Variants in ANPEP observed in about 807,000 individuals in gnomAD.
ANPEP encodes aminopeptidase N.
Under a neutral mutation model 114.6 loss-of-function variants are expected in ANPEP, and 70 were observed. The observed-to-expected ratio is 0.61, with a 90% CI of 0.50 to 0.75. The LOEUF (loss-of-function observed/expected upper bound fraction) is 0.75. ANPEP is among the 30% of genes least tolerant of loss of function. ANPEP has a pLI of 0.00. For synonymous variants in ANPEP, 548 were observed against 522.3 expected, an observed-to-expected ratio of 1.05 and a Z score of -0.67; for missense variants, 1,184 against 1,259.5, an observed-to-expected ratio of 0.94 and a Z score of 0.91.
intron 16 of ANPEP, 106 bp downstream of exon 16, chr15:89,792,929 C>A: frequency 3.9e-6 from 4 of 1,025,080 alleles, no homozygotes; most frequent in Middle Eastern, 2.7e-4. Flanking sequence ...TCTCTCCCTG[C>A]CTGGTGCCCC....
rs41276922 is a variant in ANPEP, at chr15:89,806,230, G to A, written c.354C>T (p.Asp118=). Residue 118 remains aspartate (D), a synonymous_variant, in exon 2 of 21, where the codon GAC becomes GAT. Transcript: ENST00000300060. The surrounding 1 kb of genome is among the most constrained non-coding windows in gnomAD (Gnocchi z 5.7). ...TVRFTCKEAT[D]VIIIHSKKLN... is the part of the protein sequence containing the mutation. ...GCTTCTTGCTGTGGATGATGATGAC[G>A]TCAGTGGCCTCCTTGCAGGTGAAAC... The A allele has an allele frequency of 0.075, 121,158 of 1,614,026 alleles. 5,011 individuals carry two copies. The highest frequency in any genetic ancestry group is 0.084 in the Non-Finnish European group (99,363 of 1,179,972).
chr15:89,798,122 G>A (rs1430003821), intron 14 of ANPEP, among the ~76,000 whole-genome samples: 1 of 152,202 alleles, frequency 6.6e-6, no homozygotes, highest in African/African-American at 2.4e-5. Flanking sequence ...GACTTTCTGG[G>A]CACTCTAGGC....
chr15:89,808,288 G>A (rs1894759444), intron 1 of ANPEP, among the ~76,000 whole-genome samples: 1 of 152,184 alleles, frequency 6.6e-6, no homozygotes, highest in Non-Finnish European at 1.5e-5. Flanking sequence ...CCGCAGCGAA[G>A]CCGCCCTGAC....
rs1555442940 is a variant in ANPEP, at chr15:89,813,993, G to GGGGGC, written c.-224+778_-224+779insGCCCC. Reference sequence around the variant, plus strand: ...GCCGTCCCTGCCCACCGCACTGCTGGGGGGGGGGGGTGCGTTCTGGAGTCA... The same window carrying GGGGGC: ...GCCGTCCCTGCCCACCGCACTGCTGGGGGGCGGGGGGGGGGTGCGTTCTGGAGTCA... On this transcript the variant is annotated intron_variant, in intron 1 of 20. Coordinates refer to ENST00000300060, the MANE Select transcript of ANPEP (RefSeq NM_001150.3). Among the ~76,000 whole-genome samples the GGGGGC allele has an allele frequency of 1.8e-4, 25 of 137,748 alleles. 3 individuals carry two copies. Among genetic ancestry groups the GGGGGC allele is most frequent in the South Asian group, 6.8e-4 (3 of 4,400 alleles). The allele number at this position is 137,748 out of a possible 152,430, so 90.4% of individuals were successfully genotyped here. A position where few individuals can be genotyped will look rare whatever the true frequency, so the allele number is the denominator to read the frequency against.
intron 10 of ANPEP, among the ~76,000 whole-genome samples, chr15:89,802,969 G>A (rs1457124044): frequency 1.3e-5 from 2 of 152,068 alleles, no homozygotes; most frequent in Non-Finnish European, 2.9e-5. Flanking sequence ...CTCACCACCA[G>A]GAAGGGGCTC....
chr15:89,804,981 CT>C (rs1894678477), intron 4 of ANPEP, 96 bp downstream of exon 4: 1 of 1,555,164 alleles, frequency 6.4e-7, no homozygotes, highest in Admixed American at 1.7e-5. Context: ...CAACCCTGGC[CT>C]AACAATTCAG....
intron 1 of ANPEP, among the ~76,000 whole-genome samples, chr15:89,813,995 G>GGGA (rs200311540): frequency 6.8e-6 from 1 of 146,116 alleles, no homozygotes; most frequent in African/African-American, 2.5e-5. Context: ...CACTGCTGGG[G>GGGA]GGGGGGGGTG....
intron 1 of ANPEP, among the ~76,000 whole-genome samples, chr15:89,814,353 C>G (rs992639731): frequency 6.6e-6 from 1 of 152,158 alleles, no homozygotes; most frequent in African/African-American, 2.4e-5. Context: ...ACAGGCGGGC[C>G]GGGTTCGCCC....
At chr15:89,793,552 A>G (rs1968672993) in intron 15 of ANPEP, among the ~76,000 whole-genome samples, 1 of 151,992 alleles carries the variant, frequency 6.6e-6, no homozygotes, top group African/African-American at 2.4e-5. Flanking sequence ...ACCACAAAAA[A>G]ATTAGCCGAG....
intron 14 of ANPEP, 109 bp from the exon 15 acceptor site, chr15:89,797,831 T>C (rs2141799741): frequency 2.1e-6 from 3 of 1,443,510 alleles, no homozygotes; most frequent in East Asian, 2.3e-5. Flanking sequence ...AGGCCCCCTG[T>C]ATCCACTCCT....
Position 89,806,177 on chromosome 15 carries a change from C to A in ANPEP, c.407G>T (p.Arg136Met). ...KLNYTLSQGH[R>M]VVLRGVGGSQ... ...GCCTCCCACACCACGCAGGACCACCCTGTGCCCCTGGCTGAGGGTGTAGTT... is the reference window on the plus strand; with the variant it reads ...GCCTCCCACACCACGCAGGACCACCATGTGCCCCTGGCTGAGGGTGTAGTT... Residue 136 changes from arginine (R) to methionine (M), a missense_variant, in exon 2 of 21, where the codon AGG becomes ATG. Transcript: ENST00000300060. The surrounding 1 kb of genome is among the most constrained non-coding windows in gnomAD (Gnocchi z 5.7). 1.2e-6 allele frequency: 2 copies of A among 1,614,146 alleles called. No individual in the cohort carries two copies. The highest frequency in any genetic ancestry group is 1.7e-6 in the Non-Finnish European group (2 of 1,180,028).
In ANPEP at chr15:89,792,559, G is replaced by T; in HGVS notation, c.2253C>A (p.Tyr751Ter). Residue 751 changes from tyrosine (Y) to a stop codon, truncating the protein, a stop_gained, in exon 17 of 21, where the codon TAC becomes TAA. Transcript: ENST00000300060. LOFTEE classifies it high-confidence loss of function. ...REIPENLMDQ[Y>*]SEVNAISTAC... ...CGGTGCTGATGGCATTAACCTCGCT[G>T]TACCTGCCCCAGGGGTGACACGCGG... 1 of 1,613,900 alleles carries T rather than the reference G, an allele frequency of 6.2e-7. No homozygotes were observed. The highest frequency in any genetic ancestry group is 8.5e-7 in the Non-Finnish European group (1 of 1,179,782).
In ANPEP at chr15:89,789,283, T is replaced by C. The variant is rs185646413; in HGVS notation, c.2751+1177A>G. 1.5e-3 allele frequency among the ~76,000 whole-genome samples: 234 copies of C among 152,028 alleles called. 1 individual carries two copies. The highest frequency in any genetic ancestry group is 5.4e-3 in the African/African-American group (225 of 41,486). ...GTGTGAGCCACCACGCCCAGCAAAT[T>C]ATATCTCAATTTTTAAAAAAGACAA... On this transcript the variant is annotated intron_variant, in intron 20 of 20. Coordinates refer to ENST00000300060, the MANE Select transcript of ANPEP (RefSeq NM_001150.3).
In ANPEP at chr15:89,805,406, G is replaced by A. The variant is rs771776969; in HGVS notation, c.672C>T (p.Phe224=). 37 of 1,614,058 alleles carry A rather than the reference G, an allele frequency of 2.3e-5. No homozygotes were observed. Among genetic ancestry groups the A allele is most frequent in the East Asian group, 8.9e-5 (4 of 44,894 alleles). ...AADARKSFPC[F]DEPAMKAEFN... ...ACTCGGCCTTCATGGCCGGCTCATC[G>A]AAGCATGGGAAGGACTTCCGGGCAT... The change falls in exon 3 of 21, where the codon TTC becomes TTT. Residue 224 remains phenylalanine (F), a synonymous_variant. Coordinates refer to ENST00000300060, the MANE Select transcript of ANPEP (RefSeq NM_001150.3).
At chr15:89,786,320 G>A (rs902362397) in intron 20 of ANPEP, among the ~76,000 whole-genome samples, 3 of 149,468 alleles carry the variant, frequency 2.0e-5, no homozygotes, top group African/African-American at 7.4e-5. Flanking sequence ...GGAAGATTTA[G>A]CATCATTAAG....
chr15:89,814,580 A>G (rs1342426549), intron 1 of ANPEP, among the ~76,000 whole-genome samples, 192 bp downstream of exon 1: 8 of 152,136 alleles, frequency 5.3e-5, no homozygotes, highest in African/African-American at 1.9e-4. Context: ...TCGTAGTGGG[A>G]GCTCGGCCAA....
At chr15:89,797,539 G>A (rs770761764) in intron 15 of ANPEP, 36 bp downstream of exon 15, 12 of 1,590,060 alleles carry the variant, frequency 7.5e-6, no homozygotes, top group Middle Eastern at 1.7e-4. Flanking sequence ...GCACTGGGGC[G>A]AACTGGTTCT....
Position 89,806,077 on chromosome 15 carries a change from G to T in ANPEP, c.507C>A (p.Ser169=), listed in dbSNP as rs1164011214. Residue 169 remains serine (S), a synonymous_variant, in exon 2 of 21, where the codon TCC becomes TCA. Coordinates refer to ENST00000300060, the MANE Select transcript of ANPEP (RefSeq NM_001150.3). The surrounding 1 kb of genome is among the most constrained non-coding windows in gnomAD (Gnocchi z 5.7). ...TEYLVVHLKG[S]LVKDSQYEMD... is the part of the protein sequence containing the mutation. ...TCTCATACTGGCTGTCCTTCACCAGGGAGCCCTTGAGGTGCACCACCAGGT... is the reference window on the plus strand; with the variant it reads ...TCTCATACTGGCTGTCCTTCACCAGTGAGCCCTTGAGGTGCACCACCAGGT... 1 of 1,613,874 alleles carries T rather than the reference G, an allele frequency of 6.2e-7. No individual in the cohort carries two copies. The highest frequency in any genetic ancestry group is 2.2e-5 in the East Asian group (1 of 44,868).
chr15:89,796,859 C>G (rs1367350085), intron 15 of ANPEP, among the ~76,000 whole-genome samples: 1 of 152,170 alleles, frequency 6.6e-6, no homozygotes, highest in Non-Finnish European at 1.5e-5. Context: ...GACTACATAT[C>G]ACACCCTGAA....
Sources: gnomAD v4.1 joint callset for allele counts (sites outside exome capture counted in the v4.1 genomes callset) on GRCh38, gnomAD v4.1.1 for gene constraint, Gnocchi (gnomAD v3.1) non-coding constraint, MANE v1.5 for transcripts, NCBI Gene and HGNC (gene_info 2026-07-23, HGNC 2026-07-21) for gene names.